SSBP2: variants seen among roughly 807,000 people sequenced by gnomAD.
SSBP2 encodes single stranded DNA binding protein 2, also known as single-stranded DNA-binding protein 2.
In SSBP2, 17 loss-of-function variants were observed where a neutral mutation model predicts 61.8. That is an observed-to-expected ratio of 0.28 (90% CI 0.19 to 0.41). The LOEUF is 0.41. SSBP2 is among the 10% of genes least tolerant of loss of function. SSBP2 has a pLI of 1.00. For missense variants in SSBP2, 310 were observed against 458.7 expected (o/e 0.68, Z 2.96); for synonymous variants, 139 against 141.3 (o/e 0.98, Z 0.12).
At chr5:81,469,446 T>C (rs181773833) in intron 8 of SSBP2, among the ~76,000 whole-genome samples, 13 of 152,060 alleles carry the variant, frequency 8.5e-5, no homozygotes, top group East Asian at 1.9e-4. Flanking sequence ...CTAGCTTCCA[T>C]AGCCCTCAAC....
chr5:81,649,703 C>T (rs940109008), intron 2 of SSBP2, among the ~76,000 whole-genome samples: 2 of 151,506 alleles, frequency 1.3e-5, no homozygotes, highest in African/African-American at 4.8e-5. Context: ...AGTATCTATA[C>T]CCTAAATCTC....
chr5:81,587,828 G>A (rs575149806), intron 4 of SSBP2, among the ~76,000 whole-genome samples: 7 of 151,762 alleles, frequency 4.6e-5, no homozygotes, highest in African/African-American at 1.7e-4. Context: ...ATAGCGAAAG[G>A]GTATAGAAGA....
At chr5:81,595,661 T>A (rs1173781930) in intron 4 of SSBP2, among the ~76,000 whole-genome samples, 1 of 152,156 alleles carries the variant, frequency 6.6e-6, no homozygotes, top group Non-Finnish European at 1.5e-5. Flanking sequence ...GTGGGCTTCA[T>A]CCCTGGGATG....
intron 2 of SSBP2, among the ~76,000 whole-genome samples, chr5:81,645,679 GATTCCT>G (rs573431949): frequency 6.6e-6 from 1 of 152,288 alleles, no homozygotes; most frequent in African/African-American, 2.4e-5. Flanking sequence ...TTGGAAAGAA[GATTCCT>G]TAGCATTCTG....
chr5:81,644,798 C>G (rs1749117729), intron 2 of SSBP2, among the ~76,000 whole-genome samples: 1 of 152,038 alleles, frequency 6.6e-6, no homozygotes, highest in East Asian at 1.9e-4. Context: ...CCTAAGCACC[C>G]AATAAAGGCT....
chr5:81,580,954 A>T (rs1774596402), intron 4 of SSBP2, among the ~76,000 whole-genome samples: 1 of 152,116 alleles, frequency 6.6e-6, no homozygotes, highest in South Asian at 2.1e-4. Flanking sequence ...AAAATCTCAG[A>T]TCTACAATAA....
At chr5:81,610,499 T>C (rs1215985297) in intron 4 of SSBP2, among the ~76,000 whole-genome samples, 1 of 151,972 alleles carries the variant, frequency 6.6e-6, no homozygotes, top group Non-Finnish European at 1.5e-5. Flanking sequence ...TTCTAGAGAG[T>C]TTAAAGCACC....
chr5:81,464,260 T>A (rs991657553), intron 9 of SSBP2, among the ~76,000 whole-genome samples: 3 of 152,206 alleles, frequency 2.0e-5, no homozygotes, highest in African/African-American at 7.2e-5. Flanking sequence ...TCCTAAATTC[T>A]TTGGAAACTT....
intron 1 of SSBP2, among the ~76,000 whole-genome samples, chr5:81,668,248 TAAAAA>T (rs11332987): frequency 1.5e-4 from 14 of 94,904 alleles, no homozygotes; most frequent in Admixed American, 9.0e-4. Flanking sequence ...TATGGAAGTT[TAAAAA>T]AAAAAAAAAA....
intron 1 of SSBP2, among the ~76,000 whole-genome samples, chr5:81,745,636 T>C (rs1757309625): frequency 6.6e-6 from 1 of 152,060 alleles, no homozygotes; most frequent in Non-Finnish European, 1.5e-5. Flanking sequence ...ATACACACAA[T>C]AATAGAGAAT....
At chr5:81,626,225 A>G (rs2153642485) in intron 3 of SSBP2, among the ~76,000 whole-genome samples, 1 of 152,364 alleles carries the variant, frequency 6.6e-6, no homozygotes, top group Middle Eastern at 3.4e-3. Flanking sequence ...CTTTTATAAA[A>G]TTCTCACAAT....
chr5:81,673,540 G>A (rs1230254424), intron 1 of SSBP2, among the ~76,000 whole-genome samples: 1 of 152,066 alleles, frequency 6.6e-6, no homozygotes, highest in East Asian at 1.9e-4. Context: ...TGAATTAATC[G>A]TGTATTTGCC....
chr5:81,540,943 A>AT lies in SSBP2; in HGVS notation c.283-27227_283-27226insA, dbSNP rs550999197. On this transcript the variant is annotated intron_variant, in intron 4 of 16. Transcript: ENST00000320672. ...CAACAGAAAGTTAGAAAAAAAAAAAAGGTATCCAAATAAGAAAAGAAGTCA... is the reference window on the plus strand; with the variant it reads ...CAACAGAAAGTTAGAAAAAAAAAAAATGGTATCCAAATAAGAAAAGAAGTCA... Among the ~76,000 whole-genome samples, 97 of 149,978 alleles carry AT rather than the reference A, an allele frequency of 6.5e-4. 1 individual carries two copies. In the East Asian group the frequency reaches 0.017, roughly 26 times the overall value.
intron 1 of SSBP2, among the ~76,000 whole-genome samples, chr5:81,748,481 G>C (rs908630512): frequency 1.3e-5 from 2 of 151,982 alleles, no homozygotes; most frequent in African/African-American, 4.8e-5. Flanking sequence ...CGAGAGATTA[G>C]ATCAACTCTC....
At position 81,629,156 on chromosome 5, in the gene SSBP2, G is replaced by A. The variant is rs559177749; in HGVS notation, c.197+7401C>T. On this transcript the variant is annotated intron_variant, in intron 3 of 16. Transcript: ENST00000320672. ...GGAACGCCACCACATCCAGCAAATT[G>A]TTGCATTCTTAGTAGATGGGGTTTC... Among the ~76,000 whole-genome samples, 22 of 152,144 alleles carry A rather than the reference G, an allele frequency of 1.4e-4. No individual in the cohort carries two copies. The South Asian group carries it at 4.4e-3, about 30-fold the overall frequency.
At position 81,590,124 on chromosome 5, in the gene SSBP2, A is replaced by C. The variant is rs116451071; in HGVS notation, c.282+25349T>G. Among the ~76,000 whole-genome samples, 1,304 of 152,254 alleles carry C rather than the reference A, an allele frequency of 8.6e-3. 17 individuals are homozygous for C. The highest frequency in any genetic ancestry group is 0.03 in the African/African-American group (1,232 of 41,538). ...AATGAGTTCAAACTGTCTCGCTCATAAGTTACCTTAGAGATGTCTGAAGTG... is the reference window on the plus strand; with the variant it reads ...AATGAGTTCAAACTGTCTCGCTCATCAGTTACCTTAGAGATGTCTGAAGTG... On this transcript the variant is annotated intron_variant, in intron 4 of 16. Transcript: ENST00000320672.
At chr5:81,589,294 T>C (rs946017754) in intron 4 of SSBP2, among the ~76,000 whole-genome samples, 5 of 152,156 alleles carry the variant, frequency 3.3e-5, no homozygotes, top group African/African-American at 1.2e-4. Flanking sequence ...GTGAAATCTA[T>C]GAAGTACAGC....
intron 4 of SSBP2, among the ~76,000 whole-genome samples, chr5:81,555,570 C>G (rs1772529054): frequency 6.6e-6 from 1 of 152,038 alleles, no homozygotes; most frequent in Non-Finnish European, 1.5e-5. Flanking sequence ...TCTTCACATT[C>G]TAATTAGCTT....
intron 1 of SSBP2, among the ~76,000 whole-genome samples, chr5:81,670,098 C>A (rs2153785743): frequency 6.6e-6 from 1 of 152,238 alleles, no homozygotes; most frequent in East Asian, 1.9e-4. Context: ...TACATGCCAT[C>A]ATGTGTTTGC....
Sources: allele counts gnomAD v4.1 joint callset (sites outside exome capture counted in the v4.1 genomes callset), GRCh38; gene constraint gnomAD v4.1.1; transcripts MANE v1.5; gene names NCBI Gene and HGNC (gene_info 2026-07-23, HGNC 2026-07-21).